Variants in SYT17 observed in about 807,000 individuals in gnomAD.
SYT17 encodes synaptotagmin-17.
In SYT17, 22 loss-of-function variants were observed where a neutral mutation model predicts 46.7. That is an observed-to-expected ratio of 0.47 (90% CI 0.34 to 0.67). The LOEUF (loss-of-function observed/expected upper bound fraction) is 0.67. Among genes scored for constraint, SYT17 ranks in the 30% least tolerant of loss-of-function variants. The pLI is 0.01. For missense variants in SYT17, 519 were observed against 612.8 expected, an observed-to-expected ratio of 0.85 and a Z score of 1.62; for synonymous variants, 251 against 248.4, an observed-to-expected ratio of 1.01 and a Z score of -0.10.
chr16:19,202,697 ACT>A (rs1161921780), intron 5 of SYT17, among the ~76,000 whole-genome samples: 1 of 151,786 alleles, frequency 6.6e-6, no homozygotes, highest in Non-Finnish European at 1.5e-5. Context: ...TACAAAAGAC[ACT>A]CTGATCATTC....
At chr16:19,241,563 A>G (rs1297578968) in intron 7 of SYT17, among the ~76,000 whole-genome samples, 1 of 152,010 alleles carries the variant, frequency 6.6e-6, no homozygotes, top group Non-Finnish European at 1.5e-5. Flanking sequence ...CCAGGTCCTC[A>G]CTGGGTCGCT....
chr16:19,194,704 C>G (rs1395940767), intron 5 of SYT17, among the ~76,000 whole-genome samples: 1 of 152,188 alleles, frequency 6.6e-6, no homozygotes, highest in East Asian at 1.9e-4. Flanking sequence ...AAGTGATCCT[C>G]CCGCCTCAGC....
At chr16:19,259,704 A>C (rs1034886998) in intron 7 of SYT17, among the ~76,000 whole-genome samples, 6 of 149,494 alleles carry the variant, frequency 4.0e-5, no homozygotes, top group African/African-American at 1.2e-4. Flanking sequence ...TTCTTGCCAC[A>C]CTCCATATTA....
At chr16:19,202,868 G>C (rs1227727160) in intron 5 of SYT17, among the ~76,000 whole-genome samples, 1 of 152,102 alleles carries the variant, frequency 6.6e-6, no homozygotes, top group Non-Finnish European at 1.5e-5. Flanking sequence ...TGGGACTACA[G>C]GCATGCACCA....
At chr16:19,203,071 T>C (rs1965527105) in intron 5 of SYT17, among the ~76,000 whole-genome samples, 1 of 152,126 alleles carries the variant, frequency 6.6e-6, no homozygotes, top group South Asian at 2.1e-4. Flanking sequence ...GCCACCTACT[T>C]ACAATGTGAT....
At chr16:19,247,397 T>A (rs1040334935) in intron 7 of SYT17, among the ~76,000 whole-genome samples, 1 of 152,206 alleles carries the variant, frequency 6.6e-6, no homozygotes, top group Non-Finnish European at 1.5e-5. Context: ...AAAGCATACA[T>A]GTTGGTCAAT....
At position 19,267,133 on chromosome 16, in the gene SYT17, A is replaced by G. The variant is rs1969424563; in HGVS notation, c.*57A>G. On this transcript the variant is annotated 3_prime_UTR_variant, in exon 8 of 8. Transcript: ENST00000355377. ...AAAAAAAAAAAAAAAAGACGGAAAA[A>G]AATGTGTCACATACTATTACATCCA... is the stretch of plus-strand genomic sequence containing the variant. 2 of 1,428,796 alleles carry G rather than the reference A, an allele frequency of 1.4e-6. No homozygotes were observed. Among genetic ancestry groups the G allele is most frequent in the African/African-American group, 1.5e-5 (1 of 68,926 alleles). The allele number at this position is 1,428,796 out of a possible 1,614,324, so 88.5% of individuals were successfully genotyped here.
At chr16:19,264,301 C>T (rs1236043004) in intron 7 of SYT17, among the ~76,000 whole-genome samples, 1 of 152,178 alleles carries the variant, frequency 6.6e-6, no homozygotes, top group Non-Finnish European at 1.5e-5. Context: ...ATTATGTAAA[C>T]AAATGGGTTT....
In SYT17 at chr16:19,251,373, A is replaced by G. The variant is rs571934090; in HGVS notation, c.1229-15507A>G. ...GCCACATTAACCCACAGTATAGGTTAAGGAATAGACTCTGTTGGGGAATAA... is the reference window on the plus strand; with the variant it reads ...GCCACATTAACCCACAGTATAGGTTGAGGAATAGACTCTGTTGGGGAATAA... On this transcript the variant is annotated intron_variant, in intron 7 of 7. Coordinates refer to ENST00000355377, the MANE Select transcript of SYT17 (RefSeq NM_016524.4). 5.3e-5 allele frequency among the ~76,000 whole-genome samples: 8 copies of G among 152,346 alleles called. 1 individual carries two copies. The East Asian group carries it at 1.5e-3, about 29-fold the overall frequency.
chr16:19,267,887 G>A lies in SYT17; in HGVS notation c.*811G>A, dbSNP rs1343359459. 1 of 152,610 alleles carries A rather than the reference G, an allele frequency of 6.6e-6. No homozygotes were observed. Among genetic ancestry groups the A allele is most frequent in the Non-Finnish European group, 1.5e-5 (1 of 68,382 alleles). The allele number at this position is 152,610 out of a possible 1,614,324, so 9.5% of individuals were successfully genotyped here. On this transcript the variant is annotated 3_prime_UTR_variant, in exon 8 of 8. Transcript: ENST00000355377. Reference sequence around the variant, plus strand: ...TCTCTGCCTCTCCTGTCCAGTGAGAGTCCAACCAGTGTCCTCCTGTCTGTC... The same window carrying A: ...TCTCTGCCTCTCCTGTCCAGTGAGAATCCAACCAGTGTCCTCCTGTCTGTC...
At chr16:19,255,477 G>A (rs569327698) in intron 7 of SYT17, among the ~76,000 whole-genome samples, 1 of 152,162 alleles carries the variant, frequency 6.6e-6, no homozygotes, top group East Asian at 1.9e-4. Flanking sequence ...ATTGGCCCCT[G>A]TTGAAAACAA....
rs1342146101 is a variant in SYT17, at chr16:19,183,501, T to C, written c.332-27T>C. 3 of 1,611,392 alleles carry C rather than the reference T, an allele frequency of 1.9e-6. No homozygotes were observed. Among genetic ancestry groups the C allele is most frequent in the Non-Finnish European group, 2.5e-6 (3 of 1,178,086 alleles). On this transcript the variant is annotated intron_variant, in intron 4 of 7. Coordinates refer to ENST00000355377, the MANE Select transcript of SYT17 (RefSeq NM_016524.4). The surrounding 1 kb of genome is among the most constrained non-coding windows in gnomAD (Gnocchi z 5.6). ...CAGGTCTGCCCCGTATGTGGCTGTC[T>C]TCATTGTTATTTCTGGTGGCTCTCA...
In SYT17 at chr16:19,183,587, G is replaced by A. The variant is rs757596363; in HGVS notation, c.391G>A (p.Val131Ile). The A allele has an allele frequency of 8.1e-5, 130 of 1,614,072 alleles. No homozygotes were observed. Among genetic ancestry groups the A allele is most frequent in the Admixed American group, 3.0e-4 (18 of 59,998 alleles). ...LIDIKPIEFG[V>I]LSAKKEPIQP... ...CGATATTAAACCCATCGAGTTTGGC[G>A]TTCTCAGCGCCAAGAAGGAGCCCAT... The change falls in exon 5 of 8, where the codon GTT becomes ATT. Residue 131 changes from valine to isoleucine, a missense_variant. Coordinates refer to ENST00000355377, the MANE Select transcript of SYT17 (RefSeq NM_016524.4). This position sits in a 1 kb window ranked among gnomAD's most constrained non-coding sequence, Gnocchi z 5.6.
chr16:19,184,396 G>GT (rs373284896), intron 5 of SYT17, among the ~76,000 whole-genome samples: 2,468 of 142,780 alleles, frequency 0.017, 30 homozygotes, highest in African/African-American at 0.034. Flanking sequence ...GATTTCAGTA[G>GT]TTTTTTTTTT....
chr16:19,261,380 C>A (rs913792986), intron 7 of SYT17, among the ~76,000 whole-genome samples: 1 of 152,218 alleles, frequency 6.6e-6, no homozygotes, highest in Non-Finnish European at 1.5e-5. Flanking sequence ...GCAGGAACTG[C>A]CTCCCATCAG....
At chr16:19,232,146 A>C (rs1346046860) in intron 7 of SYT17, among the ~76,000 whole-genome samples, 1 of 152,174 alleles carries the variant, frequency 6.6e-6, no homozygotes, top group African/African-American at 2.4e-5. Context: ...AAAGACCCCC[A>C]CACCCTGCTG....
At chr16:19,228,220 C>T (rs1966563074) in intron 7 of SYT17, among the ~76,000 whole-genome samples, 1 of 152,160 alleles carries the variant, frequency 6.6e-6, no homozygotes, top group African/African-American at 2.4e-5. Flanking sequence ...ACCACACCCC[C>T]TCTCCATACA....
In SYT17 at chr16:19,233,164, C is replaced by G. The variant is rs538236280; in HGVS notation, c.1228+8326C>G. 3.9e-5 allele frequency among the ~76,000 whole-genome samples: 6 copies of G among 152,286 alleles called. No individual in the cohort carries two copies. The East Asian group carries it at 1.2e-3, about 29-fold the overall frequency. ...CAGACCCCTCTGTGAGAGCGAGTGC[C>G]AAGGCACCTGGTCTGTGTTCCATAA... On this transcript the variant is annotated intron_variant, in intron 7 of 7. Transcript: ENST00000355377.
intron 7 of SYT17, among the ~76,000 whole-genome samples, chr16:19,230,010 A>G (rs765331623): frequency 2.6e-5 from 4 of 152,234 alleles, no homozygotes; most frequent in Admixed American, 2.0e-4. Context: ...AGAGTAGTCA[A>G]ACTCATAGAC....
Sources: gnomAD v4.1 joint callset for allele counts (sites outside exome capture counted in the v4.1 genomes callset) on GRCh38, gnomAD v4.1.1 for gene constraint, Gnocchi (gnomAD v3.1) non-coding constraint, MANE v1.5 for transcripts, NCBI Gene and HGNC (gene_info 2026-07-23, HGNC 2026-07-21) for gene names.